UBE4B: variants seen among roughly 807,000 people sequenced by gnomAD.
The protein encoded by UBE4B is ubiquitination factor E4B.
Under a neutral mutation model 148.1 loss-of-function variants are expected in UBE4B, and 27 were observed. The observed-to-expected ratio is 0.18, with a 90% confidence interval of 0.13 to 0.25. UBE4B has a LOEUF of 0.25. Ranked by LOEUF, UBE4B falls within the 10% of genes least tolerant of loss-of-function variation. The probability of loss-of-function intolerance (pLI) is 1.00; values close to 1 mark genes in which losing one functional copy is unlikely to be tolerated. For missense variants in UBE4B, 1,170 were observed against 1,662.4 expected, an observed-to-expected ratio of 0.70 and a Z score of 5.15; for synonymous variants, 596 against 619.3, an observed-to-expected ratio of 0.96 and a Z score of 0.56.
At chr1:10,150,630 G>C (rs1267567600) in intron 20 of UBE4B, among the ~76,000 whole-genome samples, 1 of 152,144 alleles carries the variant, frequency 6.6e-6, no homozygotes, top group African/African-American at 2.4e-5. Context: ...GGGAGGCCAA[G>C]GTGGGCAAAT....
chr1:10,085,113 C>T (rs944193215), intron 2 of UBE4B, among the ~76,000 whole-genome samples: 3 of 152,122 alleles, frequency 2.0e-5, no homozygotes, highest in Admixed American at 6.6e-5. Flanking sequence ...TAGAGTTGAA[C>T]GTTCATACCT....
chr1:10,115,852 T>C (rs1462657180), intron 7 of UBE4B, among the ~76,000 whole-genome samples: 1 of 152,242 alleles, frequency 6.6e-6, no homozygotes, highest in Non-Finnish European at 1.5e-5. Flanking sequence ...ATTAGATGCT[T>C]ATGCCAATTA....
At position 10,142,122 on chromosome 1, in the gene UBE4B, T is replaced by C. The variant is rs1645792719; in HGVS notation, c.2364-2818T>C. ...CCTCATTCCAGATCACCAGGGATCA[T>C]GTATATAGCTGTTTTTCTACTCAGA... On this transcript the variant is annotated intron_variant, in intron 17 of 27. Coordinates refer to ENST00000343090, the MANE Select transcript of UBE4B (RefSeq NM_001105562.3). Among the ~76,000 whole-genome samples the C allele has an allele frequency of 7.2e-5, 11 of 152,020 alleles. No individual in the cohort carries two copies. In the South Asian group the frequency reaches 2.1e-3, roughly 29 times the overall value.
chr1:10,062,956 CAA>C (rs529503429), intron 1 of UBE4B, among the ~76,000 whole-genome samples: 17 of 82,514 alleles, frequency 2.1e-4, no homozygotes, highest in Admixed American at 5.4e-4. Flanking sequence ...AACTCCGTCT[CAA>C]AAAAAAAAAA....
intron 2 of UBE4B, among the ~76,000 whole-genome samples, chr1:10,092,748 A>T (rs1490450187): frequency 6.6e-6 from 1 of 152,070 alleles, no homozygotes; most frequent in Admixed American, 6.6e-5. Context: ...GAGTTGCTTG[A>T]ACCTGGGAGA....
rs756549657 is a variant in UBE4B at position 10,179,371 on chromosome 1, G to A, written c.3701-45G>A. On this transcript the variant is annotated intron_variant, in intron 26 of 27. Transcript: ENST00000343090. ...ACGGGCTTTGTTTTCTTTTTCAGTC[G>A]TGGGCTCTCAGTAGATTAGAGTTTG... The A allele has an allele frequency of 1.0e-5, 16 of 1,589,098 alleles. No individual in the cohort carries two copies. In the Admixed American group the frequency reaches 1.0e-4, roughly 10 times the overall value.
intron 3 of UBE4B, among the ~76,000 whole-genome samples, chr1:10,096,858 G>A (rs937669659): frequency 2.6e-5 from 4 of 151,996 alleles, no homozygotes; most frequent in Non-Finnish European, 4.4e-5. Flanking sequence ...GTCCAACATC[G>A]TGAAACTCCG....
At chr1:10,035,240 A>G (rs376787652) in intron 1 of UBE4B, among the ~76,000 whole-genome samples, 1 of 150,464 alleles carries the variant, frequency 6.6e-6, no homozygotes, top group Non-Finnish European at 1.5e-5. Context: ...CTCGTGATGC[A>G]CCCGCCTCAG....
chr1:10,079,251 C>T (rs1005056988), intron 2 of UBE4B, among the ~76,000 whole-genome samples: 2 of 151,920 alleles, frequency 1.3e-5, no homozygotes, highest in African/African-American at 2.4e-5. Flanking sequence ...GTCTGCCTCC[C>T]GGGCTCAAGT....
intron 23 of UBE4B, chr1:10,166,175 A>C (rs1297165988): frequency 9.9e-5 from 15 of 152,214 alleles, no homozygotes; most frequent in Non-Finnish European, 1.3e-4. Context: ...TTTCCCAACA[A>C]GAAAAGGCCT....
intron 1 of UBE4B, among the ~76,000 whole-genome samples, chr1:10,038,406 G>A (rs1570757538): frequency 6.6e-6 from 1 of 152,310 alleles, no homozygotes; most frequent in East Asian, 1.9e-4. Context: ...AACAGCCTTA[G>A]GAGCCTCTTC....
At chr1:10,098,819 C>T (rs1644966686) in intron 3 of UBE4B, among the ~76,000 whole-genome samples, 1 of 152,202 alleles carries the variant, frequency 6.6e-6, no homozygotes, top group Non-Finnish European at 1.5e-5. Context: ...GAGAAGTTAG[C>T]ATCATTTTCT....
chr1:10,080,946 A>G (rs1644669823), intron 2 of UBE4B, among the ~76,000 whole-genome samples: 1 of 152,232 alleles, frequency 6.6e-6, no homozygotes, highest in Admixed American at 6.5e-5. Flanking sequence ...ATCGAAGGGT[A>G]CAAAATTTCA....
At chr1:10,077,586 T>C (rs1053328184) in intron 2 of UBE4B, among the ~76,000 whole-genome samples, 9 of 152,218 alleles carry the variant, frequency 5.9e-5, no homozygotes, top group African/African-American at 2.2e-4. Flanking sequence ...CCAAGTGTTA[T>C]GTGGCTAAAT....
chr1:10,129,881 G>T (rs1645563771), intron 12 of UBE4B, among the ~76,000 whole-genome samples: 1 of 152,128 alleles, frequency 6.6e-6, no homozygotes, highest in Admixed American at 6.6e-5. Context: ...TCGAACTACT[G>T]ACCTCAGGTG....
intron 10 of UBE4B, among the ~76,000 whole-genome samples, chr1:10,124,463 C>G (rs946731799): frequency 4.6e-5 from 7 of 152,204 alleles, no homozygotes; most frequent in African/African-American, 1.2e-4. Context: ...GCTGGGATTA[C>G]AAGTGTGAAC....
In UBE4B at chr1:10,096,334, A is replaced by G. The variant is rs533547155; in HGVS notation, c.347+738A>G. 2.6e-5 allele frequency among the ~76,000 whole-genome samples: 4 copies of G among 152,054 alleles called. No individual in the cohort carries two copies. The South Asian group carries it at 8.3e-4, about 32-fold the overall frequency. On this transcript the variant is annotated intron_variant, in intron 3 of 27. Transcript: ENST00000343090. ...CAAAAATGGGTGGTAAGAGTGGCTG[A>G]GGTATTGACTCCTTTCATGGTTGAG...
chr1:10,054,407 C>A, intron 1 of UBE4B: 1 of 248,920 alleles, frequency 4.0e-6, no homozygotes, highest in South Asian at 5.6e-5. Flanking sequence ...AACATTTTGA[C>A]AGTTCAGAGG....
At chr1:10,170,719 A>C (rs1646325939) in intron 24 of UBE4B, among the ~76,000 whole-genome samples, 1 of 152,216 alleles carries the variant, frequency 6.6e-6, no homozygotes, top group African/African-American at 2.4e-5. Flanking sequence ...TTTAACATTT[A>C]TGGGGAAAAA....
Sources: allele counts gnomAD v4.1 joint callset (sites outside exome capture counted in the v4.1 genomes callset), GRCh38; gene constraint gnomAD v4.1.1; transcripts MANE v1.5; gene names NCBI Gene and HGNC (gene_info 2026-07-23, HGNC 2026-07-21).